The following CENPP variants were observed in gnomAD, a reference collection of about 807,000 sequenced individuals.
The protein encoded by CENPP is centromere protein P.
In CENPP, 24 loss-of-function variants were observed where a neutral mutation model predicts 35.6. The observed-to-expected ratio is 0.67, with a 90% CI of 0.49 to 0.95. The LOEUF is 0.95. CENPP is among the 40% of genes least tolerant of loss of function. The pLI, the probability that CENPP is intolerant of heterozygous loss-of-function variation, is 0.00. For missense variants in CENPP, 332 were observed against 345.3 expected, an observed-to-expected ratio of 0.96 and a Z score of 0.31; for synonymous variants, 120 against 125.5, an observed-to-expected ratio of 0.96 and a Z score of 0.29.
chr9:92,459,761 T>C (rs551200941), intron 5 of CENPP: 1 of 1,613,434 alleles, frequency 6.2e-7, no homozygotes, highest in African/African-American at 1.3e-5. Flanking sequence ...TGTTGTTTCC[T>C]AGGCCCAGCC....
chr9:92,473,516 T>G (rs1476478244), intron 5 of CENPP, among the ~76,000 whole-genome samples: 1 of 152,168 alleles, frequency 6.6e-6, no homozygotes, highest in Non-Finnish European at 1.5e-5. Flanking sequence ...CTAACTAACC[T>G]CTTCTCACAC....
chr9:92,547,110 C>CGT (rs1849482430), intron 5 of CENPP, among the ~76,000 whole-genome samples: 1 of 152,036 alleles, frequency 6.6e-6, no homozygotes, highest in Non-Finnish European at 1.5e-5. Context: ...GAACTAGCGG[C>CGT]GTAAGTGTAA....
At chr9:92,545,696 C>G (rs1050214923) in intron 5 of CENPP, among the ~76,000 whole-genome samples, 1 of 151,380 alleles carries the variant, frequency 6.6e-6, no homozygotes, top group African/African-American at 2.5e-5. Flanking sequence ...CTGGGTGAAT[C>G]CAGCTGGGCT....
intron 5 of CENPP, among the ~76,000 whole-genome samples, chr9:92,547,776 A>G (rs557313421): frequency 6.6e-6 from 1 of 152,348 alleles, no homozygotes; most frequent in Non-Finnish European, 1.5e-5. Flanking sequence ...ATGGAATTGT[A>G]TATTTTAAAG....
At chr9:92,574,539 A>G (rs1184835158) in intron 5 of CENPP, among the ~76,000 whole-genome samples, 1 of 152,266 alleles carries the variant, frequency 6.6e-6, no homozygotes, top group Non-Finnish European at 1.5e-5. Context: ...AAAGATTTGT[A>G]CAATGAAAAC....
chr9:92,357,137 AT>A (rs1841609920), intron 4 of CENPP, among the ~76,000 whole-genome samples: 1 of 152,172 alleles, frequency 6.6e-6, no homozygotes, highest in African/African-American at 2.4e-5. Context: ...GTAACAAACT[AT>A]TGTTGCAAAA....
intron 5 of CENPP, among the ~76,000 whole-genome samples, chr9:92,559,776 C>T (rs1027068785): frequency 2.6e-5 from 4 of 152,170 alleles, no homozygotes; most frequent in African/African-American, 9.7e-5. Context: ...TTTGGGATTA[C>T]AGGCATGAGC....
intron 5 of CENPP, among the ~76,000 whole-genome samples, chr9:92,598,975 C>T (rs1850845080): frequency 1.3e-5 from 2 of 151,864 alleles, no homozygotes; most frequent in South Asian, 4.2e-4. Flanking sequence ...TGGTATGCAC[C>T]TGTAATCCCA....
At chr9:92,527,007 T>C (rs1848456869) in intron 5 of CENPP, among the ~76,000 whole-genome samples, 1 of 151,406 alleles carries the variant, frequency 6.6e-6, no homozygotes, top group Non-Finnish European at 1.5e-5. Flanking sequence ...ATGTTTATTA[T>C]TTATTTATTT....
chr9:92,474,680 G>A, intron 5 of CENPP: 1 of 1,613,812 alleles, frequency 6.2e-7, no homozygotes, highest in South Asian at 1.1e-5. Flanking sequence ...TGGACACATT[G>A]GAAACAGATC....
chr9:92,465,265 C>T (rs984714038), intron 5 of CENPP, among the ~76,000 whole-genome samples: 7 of 152,184 alleles, frequency 4.6e-5, no homozygotes, highest in African/African-American at 1.4e-4. Flanking sequence ...CTATTTTTCA[C>T]TTTGAATTAC....
At chr9:92,454,191 T>C (rs1195178577) in intron 5 of CENPP, among the ~76,000 whole-genome samples, 1 of 152,210 alleles carries the variant, frequency 6.6e-6, no homozygotes, top group Non-Finnish European at 1.5e-5. Context: ...TATTAGTGAT[T>C]TGTTTTTTGC....
Position 92,332,164 on chromosome 9 carries a change from T to C in CENPP, c.108-6T>C, listed in dbSNP as rs772756067. ...GGAGTGATTATTTTTGATATTTGCC[T>C]TTTAGAAAATCTTTTCAAGCCATAC... On this transcript the variant is annotated splice_polypyrimidine_tract_variant and splice_region_variant and intron_variant, in intron 1 of 7. Transcript: ENST00000375587. 3.3e-5 allele frequency: 52 copies of C among 1,572,242 alleles called. No individual in the cohort carries two copies. Among genetic ancestry groups the C allele is most frequent in the Middle Eastern group, 3.9e-4 (2 of 5,068 alleles).
Position 92,619,493 on chromosome 9 carries a change from C to T in CENPP, c.*6344C>T. Reference sequence around the variant, plus strand: ...TTGCAGTGGGGGCCTCACCTGGCATCCTGCAGACAGGGAGACAGTGCAATC... The same window carrying T: ...TTGCAGTGGGGGCCTCACCTGGCATTCTGCAGACAGGGAGACAGTGCAATC... On this transcript the variant is annotated 3_prime_UTR_variant, in exon 8 of 8. Coordinates refer to ENST00000375587, the MANE Select transcript of CENPP (RefSeq NM_001012267.3). 6.3e-7 allele frequency: 1 copy of T among 1,588,268 alleles called. No individual in the cohort carries two copies. The highest frequency in any genetic ancestry group is 1.2e-5 in the South Asian group (1 of 86,528).
intron 5 of CENPP, among the ~76,000 whole-genome samples, chr9:92,471,858 C>T (rs1845532240): frequency 6.6e-6 from 1 of 151,934 alleles, no homozygotes; most frequent in African/African-American, 2.4e-5. Context: ...CAGCGTTTCG[C>T]CATGTTGGCC....
intron 5 of CENPP, among the ~76,000 whole-genome samples, chr9:92,472,657 C>CA (rs1376436612): frequency 6.6e-6 from 1 of 151,664 alleles, no homozygotes; most frequent in Non-Finnish European, 1.5e-5. Context: ...GACTCTGTCT[C>CA]AAAAAAATAA....
chr9:92,332,150 T>C lies in CENPP; in HGVS notation c.108-20T>C, dbSNP rs1840769468. On this transcript the variant is annotated intron_variant, in intron 1 of 7. Transcript: ENST00000375587. ...ACGTGTTAGTAATTGGAGTGATTAT[T>C]TTTGATATTTGCCTTTTAGAAAATC... The C allele has an allele frequency of 1.3e-6, 2 of 1,545,142 alleles. No individual in the cohort carries two copies. Among genetic ancestry groups the C allele is most frequent in the African/African-American group, 1.4e-5 (1 of 72,174 alleles).
chr9:92,530,935 G>A (rs1848711900), intron 5 of CENPP, among the ~76,000 whole-genome samples: 1 of 151,996 alleles, frequency 6.6e-6, no homozygotes, highest in South Asian at 2.1e-4. Flanking sequence ...GAGAACATGT[G>A]GTCTTTGGTT....
At chr9:92,603,713 C>T (rs1203479095) in intron 5 of CENPP, among the ~76,000 whole-genome samples, 1 of 152,150 alleles carries the variant, frequency 6.6e-6, no homozygotes, top group African/African-American at 2.4e-5. Context: ...CTCCACACCC[C>T]ACATCCAGCA....
Sources: gnomAD v4.1 joint callset for allele counts (sites outside exome capture counted in the v4.1 genomes callset) on GRCh38, gnomAD v4.1.1 for gene constraint, MANE v1.5 for transcripts, NCBI Gene and HGNC (gene_info 2026-07-23, HGNC 2026-07-21) for gene names.